The following FBN2 variants were observed in gnomAD, a reference collection of about 807,000 sequenced individuals.
The protein encoded by FBN2 is fibrillin-2.
A neutral mutation model predicts 355.6 loss-of-function variants in FBN2; 105 were observed. The ratio of observed to expected loss-of-function variants is 0.30; its 90% CI spans 0.25 to 0.35. The LOEUF (loss-of-function observed/expected upper bound fraction) is 0.35, where lower values mean the gene tolerates loss of function less well. FBN2 is among the 10% of genes least tolerant of loss of function. FBN2 has a pLI of 1.00. For missense variants in FBN2, 3,280 were observed against 3,758.7 expected, an observed-to-expected ratio of 0.87 and a Z score of 3.33; for synonymous variants, 1,350 against 1,301.2, an observed-to-expected ratio of 1.04 and a Z score of -0.81.
At chr5:128,269,698 A>G (rs1289813571) in intron 62 of FBN2, among the ~76,000 whole-genome samples, 1 of 152,206 alleles carries the variant, frequency 6.6e-6, no homozygotes, top group African/African-American at 2.4e-5. Flanking sequence ...TTCAAGGAGA[A>G]CTACAAACCA....
intron 45 of FBN2, 90 bp downstream of exon 45, chr5:128,304,867 A>G: frequency 1.4e-5 from 21 of 1,498,948 alleles, no homozygotes; most frequent in African/African-American, 4.1e-5. Flanking sequence ...TGACAGAGAC[A>G]TAGTAGTTAC....
chr5:128,485,283 A>G (rs908210120), intron 5 of FBN2, among the ~76,000 whole-genome samples: 3 of 152,174 alleles, frequency 2.0e-5, no homozygotes, highest in African/African-American at 4.8e-5. Context: ...TTGGCCTACT[A>G]AAGTGCTGAG....
intron 58 of FBN2, among the ~76,000 whole-genome samples, chr5:128,276,897 G>A (rs1765406931): frequency 6.6e-6 from 1 of 152,162 alleles, no homozygotes; most frequent in Non-Finnish European, 1.5e-5. Context: ...CTGCTCACAC[G>A]TGTATAGACA....
At chr5:128,357,761 A>G (rs757436498) in intron 19 of FBN2, among the ~76,000 whole-genome samples, 2 of 152,196 alleles carry the variant, frequency 1.3e-5, no homozygotes, top group Non-Finnish European at 2.9e-5. Context: ...TGATGATTTC[A>G]TGAGGCTCTG....
At chr5:128,492,955 G>A (rs571813122) in intron 5 of FBN2, among the ~76,000 whole-genome samples, 5 of 151,654 alleles carry the variant, frequency 3.3e-5, no homozygotes, top group African/African-American at 1.2e-4. Flanking sequence ...ACCATATAAT[G>A]AAAAAGAATA....
intron 25 of FBN2, among the ~76,000 whole-genome samples, chr5:128,341,465 C>G (rs1304704816): frequency 6.6e-6 from 1 of 152,170 alleles, no homozygotes. Flanking sequence ...GAAAGAAGGA[C>G]TTACTCCCCC....
chr5:128,367,512 A>G (rs1751805034), intron 16 of FBN2, among the ~76,000 whole-genome samples: 4 of 152,040 alleles, frequency 2.6e-5, no homozygotes, highest in South Asian at 2.1e-4. Flanking sequence ...AAATAAAAAT[A>G]TTTTTCCAGA....
chr5:128,517,390 A>G (rs570199884), intron 5 of FBN2, among the ~76,000 whole-genome samples: 2 of 152,352 alleles, frequency 1.3e-5, no homozygotes, highest in South Asian at 4.1e-4. Context: ...AAATAAACTT[A>G]GCGTTATCTA....
At chr5:128,297,854 T>C (rs1352452781) in intron 48 of FBN2, among the ~76,000 whole-genome samples, 1 of 152,124 alleles carries the variant, frequency 6.6e-6, no homozygotes, top group Non-Finnish European at 1.5e-5. Flanking sequence ...TTAATATTGT[T>C]ATGTGTGAAT....
At chr5:128,428,491 C>T (rs1045736842) in intron 7 of FBN2, among the ~76,000 whole-genome samples, 4 of 152,170 alleles carry the variant, frequency 2.6e-5, no homozygotes, top group African/African-American at 9.7e-5. Flanking sequence ...GCCTCTACCT[C>T]AGGGGCACTG....
chr5:128,300,684 T>A, intron 48 of FBN2, 133 bp downstream of exon 48: 1 of 896,926 alleles, frequency 1.1e-6, no homozygotes, highest in Admixed American at 1.8e-5. Flanking sequence ...GTAAAACAGA[T>A]GTAGGCAGCT....
intron 15 of FBN2, among the ~76,000 whole-genome samples, chr5:128,373,516 G>A (rs984245251): frequency 2.0e-5 from 3 of 152,116 alleles, no homozygotes; most frequent in Non-Finnish European, 2.9e-5. Flanking sequence ...GATTCTCATA[G>A]GTAGGAGTAA....
intron 36 of FBN2, among the ~76,000 whole-genome samples, chr5:128,316,582 A>T (rs111335928): frequency 2.8e-4 from 42 of 152,286 alleles, no homozygotes; most frequent in African/African-American, 1.0e-3. Flanking sequence ...TTGTGCAAAC[A>T]TATTATCTGC....
intron 21 of FBN2, 57 bp downstream of exon 21, chr5:128,350,811 C>G: frequency 6.2e-7 from 1 of 1,601,450 alleles, no homozygotes; most frequent in Non-Finnish European, 8.6e-7. Flanking sequence ...AAGAGGTGTC[C>G]TAGTGGCAGG....
intron 28 of FBN2, 35 bp downstream of exon 28, chr5:128,335,952 AC>A: frequency 6.2e-7 from 1 of 1,611,812 alleles, no homozygotes; most frequent in Non-Finnish European, 8.5e-7. Context: ...CTGATTTGAG[AC>A]ATATGAGTTT....
chr5:128,295,905 G>C (rs1749493423), intron 48 of FBN2, among the ~76,000 whole-genome samples: 2 of 141,144 alleles, frequency 1.4e-5, no homozygotes, highest in Admixed American at 7.1e-5. Context: ...GGGCATCCCT[G>C]TCTTGTGCCA....
chr5:128,514,665 C>T (rs550590048), intron 5 of FBN2, among the ~76,000 whole-genome samples: 1 of 152,218 alleles, frequency 6.6e-6, no homozygotes, highest in Admixed American at 6.5e-5. Context: ...CCCCAAAGCA[C>T]GTATAACTTA....
At chr5:128,521,143 A>G (rs1756422713) in intron 4 of FBN2, among the ~76,000 whole-genome samples, 1 of 152,164 alleles carries the variant, frequency 6.6e-6, no homozygotes, top group African/African-American at 2.4e-5. Context: ...TAGACTGGAT[A>G]AAGAAAATGT....
At chr5:128,261,715 C>G (rs751199993) in intron 64 of FBN2, 21 bp downstream of exon 64, 1 of 1,613,410 alleles carries the variant, frequency 6.2e-7, no homozygotes, top group Non-Finnish European at 8.5e-7. Flanking sequence ...TTTGTGGCAA[C>G]ACAGAGTGGG....
Sources: allele counts gnomAD v4.1 joint callset (sites outside exome capture counted in the v4.1 genomes callset), GRCh38; gene constraint gnomAD v4.1.1; transcripts MANE v1.5; gene names NCBI Gene and HGNC (gene_info 2026-07-23, HGNC 2026-07-21).